DNAH12: variants seen among roughly 807,000 people sequenced by gnomAD.
The protein encoded by DNAH12 is axonemal beta dynein heavy chain 12.
In DNAH12, 285 loss-of-function variants were observed where a neutral mutation model predicts 371.5. The ratio of observed to expected loss-of-function variants is 0.77; its 90% CI spans 0.70 to 0.85. The LOEUF is 0.85. DNAH12 is among the 40% of genes least tolerant of loss of function. The pLI, the probability that DNAH12 is intolerant of heterozygous loss-of-function variation, is 0.00. For synonymous variants in DNAH12, 1,200 were observed against 1,213.0 expected, an observed-to-expected ratio of 0.99 and a Z score of 0.22; for missense variants, 3,611 against 3,689.4, an observed-to-expected ratio of 0.98 and a Z score of 0.55.
At position 57,322,372 on chromosome 3, in the gene DNAH12, A is replaced by C; in HGVS notation, c.10495T>G (p.Phe3499Val). The C allele has an allele frequency of 6.4e-7, 1 of 1,551,554 alleles. No individual in the cohort carries two copies. The highest frequency in any genetic ancestry group is 8.7e-7 in the Non-Finnish European group (1 of 1,146,928). ...TCCTTTCCACGGCATCCCTTGAAAA[A>C]CTCAGGATCAGAAACTGGATCAGTG... is the stretch of plus-strand genomic sequence containing the variant. The part of the protein sequence containing the change: ...YLTDPVSDPE[F>V]FKGCRGKELA... Residue 3499 changes from phenylalanine (F) to valine (V), a missense_variant, in exon 65 of 74, where the codon TTT (phenylalanine) becomes GTT (valine). Transcript: ENST00000495027.
At chr3:57,493,732 T>C (rs899765872) in intron 11 of DNAH12, 2 of 151,588 alleles carry the variant, frequency 1.3e-5, no homozygotes, top group African/African-American at 2.4e-5. Flanking sequence ...TCAAACTGCT[T>C]GTTCTACTCT....
chr3:57,370,861 G>T (rs2063155803), intron 55 of DNAH12, among the ~76,000 whole-genome samples: 1 of 152,148 alleles, frequency 6.6e-6, no homozygotes, highest in South Asian at 2.1e-4. Flanking sequence ...AGGTCCATAT[G>T]TTGGGGGAGG....
At chr3:57,458,451 T>C (rs1475179746) in intron 20 of DNAH12, among the ~76,000 whole-genome samples, 1 of 152,202 alleles carries the variant, frequency 6.6e-6, no homozygotes, top group Non-Finnish European at 1.5e-5. Flanking sequence ...GTTATGATTG[T>C]CGTGCATATT....
In DNAH12 at chr3:57,310,866, C is replaced by T. The variant is rs1347714483; in HGVS notation, c.10747G>A (p.Asp3583Asn). Residue 3583 changes from aspartate to asparagine, a missense_variant, in exon 67 of 74, where the codon GAC (aspartate) becomes AAC (asparagine). Around this residue, in one of 3 missense-constraint regions of DNAH12, gnomAD observed 2,266 missense variants for 2,236.9 expected, o/e 1.01. Coordinates refer to ENST00000495027, the MANE Select transcript of DNAH12 (RefSeq NM_001366028.2). ...GECNYGGRVT[D>N]DWDRRLLLTM... The stretch of plus-strand genomic sequence containing the variant: ...AATAGAAGACGTCTGTCCCAATCGT[C>T]TGTCACTCTTCCTCCATAATTACAC... 6.4e-7 allele frequency: 1 copy of T among 1,551,622 alleles called. No individual in the cohort carries two copies.
rs754010339 is a variant in DNAH12 at position 57,468,743 on chromosome 3, G to A, written c.2342C>T (p.Ala781Val). ...TATTATATATATTTATACCTTAAAA[G>A]CTTTTATCTGTTCCATGACTGTACT... ...MCSTVMEQIK[A>V]FKEYIPTVSI... is the part of the protein sequence containing the mutation. The change falls in exon 17 of 74, where the codon GCT becomes GTT. Residue 781 changes from alanine to valine, a missense_variant. Ala to Val is a moderately conservative substitution (Grantham distance 64, BLOSUM62 0). Coordinates refer to ENST00000495027, the MANE Select transcript of DNAH12 (RefSeq NM_001366028.2). The A allele has an allele frequency of 7.0e-7, 1 of 1,433,620 alleles. No individual in the cohort carries two copies. Among genetic ancestry groups the A allele is most frequent in the South Asian group, 1.6e-5 (1 of 60,738 alleles). 88.8% of individuals were successfully genotyped at this position (1,433,620 alleles called of 1,614,324 possible).
intron 36 of DNAH12, among the ~76,000 whole-genome samples, chr3:57,420,856 C>G (rs2064552428): frequency 7.0e-6 from 1 of 143,140 alleles, no homozygotes; most frequent in Admixed American, 7.1e-5. Flanking sequence ...TTGCAGTGAG[C>G]CGAGATTGCG....
intron 11 of DNAH12, among the ~76,000 whole-genome samples, chr3:57,494,069 C>CA (rs1204144668): frequency 1.3e-5 from 2 of 151,966 alleles, no homozygotes; most frequent in Non-Finnish European, 2.9e-5. Flanking sequence ...CCCATCTCTA[C>CA]AAAAAATACT....
intron 60 of DNAH12, among the ~76,000 whole-genome samples, chr3:57,348,666 G>A (rs2062602330): frequency 6.6e-6 from 1 of 152,200 alleles, no homozygotes; most frequent in South Asian, 2.1e-4. Flanking sequence ...TTCAAAAAAA[G>A]GATGGGCAAG....
the DNAH12 span, among the ~76,000 whole-genome samples, chr3:57,552,934 T>G: frequency 6.6e-6 from 1 of 152,042 alleles, no homozygotes; most frequent in Non-Finnish European, 1.5e-5. Context: ...CCCAGCACTT[T>G]GGGAGGCCAA....
intron 29 of DNAH12, among the ~76,000 whole-genome samples, chr3:57,440,076 T>C (rs766413478): frequency 6.6e-6 from 1 of 152,230 alleles, no homozygotes; most frequent in Non-Finnish European, 1.5e-5. Flanking sequence ...ATGCTGTTGG[T>C]AGGAATGCAA....
At chr3:57,517,938 C>G (rs1378855792) in intron 4 of DNAH12, among the ~76,000 whole-genome samples, 2 of 152,134 alleles carry the variant, frequency 1.3e-5, no homozygotes, top group Non-Finnish European at 2.9e-5. Context: ...TCTGTAGTCC[C>G]AGCTCCTCGG....
intron 17 of DNAH12, among the ~76,000 whole-genome samples, chr3:57,463,804 G>A (rs903944858): frequency 2.6e-5 from 4 of 152,050 alleles, no homozygotes; most frequent in Non-Finnish European, 4.4e-5. Flanking sequence ...ATCTTGCTCC[G>A]TCCCCCAGGC....
rs1234870823 is a variant in DNAH12, at chr3:57,510,858, T to C, written c.401A>G (p.Glu134Gly). 5 of 1,614,058 alleles carry C rather than the reference T, an allele frequency of 3.1e-6. No homozygotes were observed. The highest frequency in any genetic ancestry group is 4.2e-6 in the Non-Finnish European group (5 of 1,180,000). The change falls in exon 5 of 74, where the codon GAA becomes GGA. Residue 134 changes from glutamate (E) to glycine (G), a missense_variant. Coordinates refer to ENST00000495027, the MANE Select transcript of DNAH12 (RefSeq NM_001366028.2). The part of the protein sequence containing the change: ...PESLKEGKER[E>G]ELLESLINEV... Reference sequence around the variant, plus strand: ...ATTTATGAGACTTTCAAGAAGTTCTTCTCTTTCTTTCCCTTCCTTTAAAGA... The same window carrying C: ...ATTTATGAGACTTTCAAGAAGTTCTCCTCTTTCTTTCCCTTCCTTTAAAGA...
At chr3:57,445,540 A>G in intron 27 of DNAH12, 121 bp from the exon 28 acceptor site, 1 of 891,912 alleles carries the variant, frequency 1.1e-6, no homozygotes, top group Non-Finnish European at 1.5e-6. Flanking sequence ...ACCTTTTTCT[A>G]AACTCTAATT....
Position 57,438,166 on chromosome 3 carries a change from C to G in DNAH12, c.4546-1106G>C, listed in dbSNP as rs899691083. Among the ~76,000 whole-genome samples the G allele has an allele frequency of 2.5e-4, 38 of 151,956 alleles. 4 individuals are homozygous for G. The highest frequency in any genetic ancestry group is 2.1e-3 in the Admixed American group (32 of 15,270). The stretch of plus-strand genomic sequence containing the variant: ...TCTACTAAACATACAAAAAAATCAG[C>G]CAGGCGTGGTGGCGGGCACCTGTAA... On this transcript the variant is annotated intron_variant, in intron 29 of 73. Transcript: ENST00000495027.
chr3:57,549,654 G>A, the DNAH12 span, among the ~76,000 whole-genome samples: 1 of 151,916 alleles, frequency 6.6e-6, no homozygotes, highest in African/African-American at 2.4e-5. Context: ...GACAGGGTCT[G>A]GCTCTGTCAC....
rs1423279250 is a variant in DNAH12, at chr3:57,408,267, A to C, written c.6276+13T>G. ...TGTAATACTAAAACATTTACATTGC[A>C]TTATTGACTGACCTCCATAGTCCCA... is the stretch of plus-strand genomic sequence containing the variant. On this transcript the variant is annotated intron_variant, in intron 40 of 73. Transcript: ENST00000495027. 12 of 1,523,514 alleles carry C rather than the reference A, an allele frequency of 7.9e-6. No homozygotes were observed. Among genetic ancestry groups the C allele is most frequent in the Non-Finnish European group, 9.7e-6 (11 of 1,135,614 alleles). 94.4% of individuals were successfully genotyped at this position (1,523,514 alleles called of 1,614,324 possible).
chr3:57,330,896 A>G (rs1342562784), intron 62 of DNAH12, among the ~76,000 whole-genome samples: 2 of 152,056 alleles, frequency 1.3e-5, no homozygotes, highest in African/African-American at 4.8e-5. Flanking sequence ...TCAGAAAATC[A>G]ATCAATCAAT....
At position 57,454,778 on chromosome 3, in the gene DNAH12, C is replaced by T. The variant is rs972494947; in HGVS notation, c.3453G>A (p.Thr1151=). The change falls in exon 23 of 74, where the codon ACG becomes ACA. Residue 1151 remains threonine (T), a synonymous_variant. Transcript: ENST00000495027. ...SETQEVISGG[T]EGLKKYYKEL... Reference sequence around the variant, plus strand: ...TTAAAAGCAAACAATGCTTTACCTCCGTCCCGCCACTTATCACTTCCTGTG... The same window carrying T: ...TTAAAAGCAAACAATGCTTTACCTCTGTCCCGCCACTTATCACTTCCTGTG... The T allele has an allele frequency of 2.0e-5, 31 of 1,550,752 alleles. No individual in the cohort carries two copies. Among genetic ancestry groups the T allele is most frequent in the Middle Eastern group, 1.7e-4 (1 of 6,014 alleles).
Sources: allele counts gnomAD v4.1 joint callset (sites outside exome capture counted in the v4.1 genomes callset), GRCh38; gene constraint gnomAD v4.1.1; regional missense constraint gnomAD v4.1.1; transcripts MANE v1.5; gene names NCBI Gene and HGNC (gene_info 2026-07-23, HGNC 2026-07-21).